TRABD2A: variants seen among roughly 807,000 people sequenced by gnomAD.
TRABD2A encodes TraB domain containing 2A.
A neutral mutation model predicts 45.6 loss-of-function variants in TRABD2A; 43 were observed. The observed-to-expected ratio is 0.94, with a 90% CI of 0.74 to 1.22. The LOEUF (loss-of-function observed/expected upper bound fraction) is 1.22. Ranked by LOEUF, TRABD2A falls within the 50% of genes most tolerant of loss-of-function variation. TRABD2A has a pLI of 0.00. For synonymous variants in TRABD2A, 269 were observed against 265.0 expected (o/e 1.02, Z -0.15); for missense variants, 642 against 652.4 (o/e 0.98, Z 0.17).
intron 1 of TRABD2A, among the ~76,000 whole-genome samples, chr2:84,879,904 G>A (rs999796007): frequency 6.6e-6 from 1 of 152,152 alleles, no homozygotes; most frequent in African/African-American, 2.4e-5. Flanking sequence ...AATTGCGAAT[G>A]GCCAGGGGTG....
intron 2 of TRABD2A, among the ~76,000 whole-genome samples, chr2:84,866,499 A>G (rs368843257): frequency 6.6e-6 from 1 of 152,162 alleles, no homozygotes; most frequent in Middle Eastern, 3.2e-3. Context: ...TTGAAAAAAA[A>G]TCTTTGTCTA....
intron 2 of TRABD2A, among the ~76,000 whole-genome samples, chr2:84,850,345 T>C (rs1035153034): frequency 2.0e-5 from 3 of 152,176 alleles, no homozygotes; most frequent in Admixed American, 6.5e-5. Flanking sequence ...ATAATAATAG[T>C]ATTCCTCACC....
At chr2:84,873,114 C>CAAA (rs34974821) in intron 1 of TRABD2A, among the ~76,000 whole-genome samples, 14,931 of 70,232 alleles carry the variant, frequency 0.21, 1,187 homozygotes, top group African/African-American at 0.32. Context: ...GACTTCATCT[C>CAAA]AAAAAAAAAA....
chr2:84,844,745 C>T (rs1379409220), intron 2 of TRABD2A, among the ~76,000 whole-genome samples: 2 of 152,198 alleles, frequency 1.3e-5, no homozygotes, highest in Non-Finnish European at 2.9e-5. Flanking sequence ...TATGAAACAC[C>T]TATCAGGTAT....
In TRABD2A at chr2:84,839,193, A is replaced by G; in HGVS notation, c.947T>C (p.Leu316Ser). The change falls in exon 4 of 7, where the codon TTG (leucine) becomes TCG (serine). Residue 316 changes from leucine (L) to serine (S), a missense_variant. By Grantham distance (145) the Leu-to-Ser change is moderately radical (BLOSUM62 -2). Transcript: ENST00000409520. ...GAAGCCTTTGTCAGGGAACTCCTCC[A>G]AAAGGGCCTTCACCCGCTTCCCTAT... ...ERIGKRVKAL[L>S]EEFPDKGFFF... is the part of the protein sequence containing the mutation. 2 of 1,613,966 alleles carry G rather than the reference A, an allele frequency of 1.2e-6. No homozygotes were observed. Among genetic ancestry groups the G allele is most frequent in the East Asian group, 4.5e-5 (2 of 44,880 alleles).
At chr2:84,849,805 T>A (rs1482624518) in intron 2 of TRABD2A, among the ~76,000 whole-genome samples, 1 of 152,160 alleles carries the variant, frequency 6.6e-6, no homozygotes, top group Non-Finnish European at 1.5e-5. Flanking sequence ...CCAACAGGTG[T>A]CTGAATGCCA....
intron 2 of TRABD2A, chr2:84,851,037 G>C (rs1682070651): frequency 6.6e-6 from 1 of 152,258 alleles, no homozygotes; most frequent in South Asian, 2.1e-4. Flanking sequence ...TGTGCTATAA[G>C]AAACAGTAGC....
intron 2 of TRABD2A, among the ~76,000 whole-genome samples, chr2:84,866,628 A>G (rs990218416): frequency 1.3e-5 from 2 of 150,938 alleles, no homozygotes; most frequent in African/African-American, 4.9e-5. Flanking sequence ...TAGGCACTGT[A>G]TGTTCACTCC....
At chr2:84,825,641 C>G (rs1210023379) in intron 5 of TRABD2A, among the ~76,000 whole-genome samples, 1 of 151,880 alleles carries the variant, frequency 6.6e-6, no homozygotes, top group Admixed American at 6.5e-5. Flanking sequence ...GGGAATGTGC[C>G]CCCATCATGG....
At chr2:84,868,427 G>C (rs548189745) in intron 2 of TRABD2A, among the ~76,000 whole-genome samples, 1 of 148,930 alleles carries the variant, frequency 6.7e-6, no homozygotes, top group East Asian at 2.0e-4. Context: ...CACACACCAG[G>C]GCCTGTCATG....
chr2:84,873,472 G>A (rs1340907631), intron 1 of TRABD2A, among the ~76,000 whole-genome samples: 1 of 152,168 alleles, frequency 6.6e-6, no homozygotes. Flanking sequence ...AATATTAACA[G>A]ATGAATCACG....
At chr2:84,858,274 G>T (rs1265168573) in intron 2 of TRABD2A, among the ~76,000 whole-genome samples, 1 of 148,282 alleles carries the variant, frequency 6.7e-6, no homozygotes, top group Non-Finnish European at 1.5e-5. Context: ...CTCCAACATC[G>T]TCTCCCACCA....
intron 1 of TRABD2A, among the ~76,000 whole-genome samples, chr2:84,873,824 G>A (rs1682944483): frequency 6.6e-6 from 1 of 152,136 alleles, no homozygotes; most frequent in African/African-American, 2.4e-5. Context: ...AAATGTCTGG[G>A]GACCACTGAC....
chr2:84,854,582 A>G (rs1401739149), intron 2 of TRABD2A, among the ~76,000 whole-genome samples: 1 of 152,130 alleles, frequency 6.6e-6, no homozygotes, highest in East Asian at 1.9e-4. Context: ...CAAAGTTGAT[A>G]CTCTCCACTG....
chr2:84,826,412 T>C (rs1356888122), intron 5 of TRABD2A, among the ~76,000 whole-genome samples: 3 of 152,226 alleles, frequency 2.0e-5, no homozygotes, highest in Non-Finnish European at 4.4e-5. Context: ...TTTATCTCCC[T>C]TATATTTGTG....
chr2:84,859,489 C>T (rs981250874), intron 2 of TRABD2A, among the ~76,000 whole-genome samples: 1 of 152,130 alleles, frequency 6.6e-6, no homozygotes, highest in African/African-American at 2.4e-5. Flanking sequence ...AATTAAATAA[C>T]CATAAGCGTG....
intron 2 of TRABD2A, among the ~76,000 whole-genome samples, chr2:84,857,858 T>C (rs1264008416): frequency 1.3e-5 from 2 of 152,190 alleles, no homozygotes; most frequent in East Asian, 3.9e-4. Flanking sequence ...TGCTGTGTGC[T>C]ATCCCTCCCT....
At chr2:84,850,974 C>G (rs1682068228) in intron 2 of TRABD2A, 1 of 152,284 alleles carries the variant, frequency 6.6e-6, no homozygotes, top group Non-Finnish European at 1.5e-5. Context: ...TAGCACTAAC[C>G]AGGCTGCTTC....
At chr2:84,829,395 CACACCACACACACCACACAT>C (rs1559084100) in intron 5 of TRABD2A, among the ~76,000 whole-genome samples, 1 of 141,412 alleles carries the variant, frequency 7.1e-6, no homozygotes, top group Non-Finnish European at 1.6e-5. Context: ...CACACACACA[CACACCACACACACCACACAT>C]ACCACACACA....
Sources: allele counts gnomAD v4.1 joint callset (sites outside exome capture counted in the v4.1 genomes callset), GRCh38; gene constraint gnomAD v4.1.1; transcripts MANE v1.5; gene names NCBI Gene and HGNC (gene_info 2026-07-23, HGNC 2026-07-21).